The following MGAT4C variants were observed in gnomAD, a reference collection of about 807,000 sequenced individuals.
MGAT4C encodes the protein MGAT4 family member C.
In MGAT4C, 19 loss-of-function variants were observed where a neutral mutation model predicts 40.1. That is an observed-to-expected ratio of 0.47 (90% CI 0.33 to 0.70). MGAT4C has a LOEUF of 0.70. Ranked by LOEUF, MGAT4C falls within the 30% of genes least tolerant of loss-of-function variation. The pLI, the probability that MGAT4C is intolerant of heterozygous loss-of-function variation, is 0.02. For missense variants in MGAT4C, 491 were observed against 563.2 expected, an observed-to-expected ratio of 0.87 and a Z score of 1.30; for synonymous variants, 181 against 187.1, an observed-to-expected ratio of 0.97 and a Z score of 0.27.
At chr12:86,666,739 A>G (rs1186308513) in intron 2 of MGAT4C, among the ~76,000 whole-genome samples, 1 of 152,176 alleles carries the variant, frequency 6.6e-6, no homozygotes, top group Admixed American at 6.5e-5. Context: ...CTGAGGTATT[A>G]TGAGTTTAGC....
At chr12:86,787,965 AG>A (rs917794553) in intron 1 of MGAT4C, among the ~76,000 whole-genome samples, 3 of 152,152 alleles carry the variant, frequency 2.0e-5, no homozygotes, top group Non-Finnish European at 4.4e-5. Context: ...GATTTTAAAA[AG>A]CTTTGAACTT....
intron 1 of MGAT4C, among the ~76,000 whole-genome samples, chr12:86,767,704 G>C (rs1010714715): frequency 6.6e-6 from 1 of 152,258 alleles, no homozygotes; most frequent in African/African-American, 2.4e-5. Flanking sequence ...ATGCAAGGCT[G>C]GTTCAATATA....
intron 2 of MGAT4C, among the ~76,000 whole-genome samples, chr12:86,572,749 C>A (rs868269223): frequency 6.6e-5 from 10 of 152,102 alleles, no homozygotes; most frequent in African/African-American, 1.9e-4. Context: ...TACATCAACA[C>A]TGGCTCTCCC....
At chr12:86,219,016 T>A (rs1950775558) in intron 1 of MGAT4C, among the ~76,000 whole-genome samples, 1 of 151,740 alleles carries the variant, frequency 6.6e-6, no homozygotes, top group Non-Finnish European at 1.5e-5. Context: ...CCGTCTCTAC[T>A]AAAAAATAAA....
chr12:86,416,477 T>G (rs1402818635), intron 3 of MGAT4C, among the ~76,000 whole-genome samples: 1 of 152,090 alleles, frequency 6.6e-6, no homozygotes, highest in Non-Finnish European at 1.5e-5. Context: ...AGGCACTGGT[T>G]ACCCAGTTGA....
intron 2 of MGAT4C, among the ~76,000 whole-genome samples, chr12:86,695,098 CTG>C (rs1416877620): frequency 6.6e-6 from 1 of 152,138 alleles, no homozygotes; most frequent in Non-Finnish European, 1.5e-5. Flanking sequence ...TGATTAAAAA[CTG>C]GGCAGAAGAT....
intron 2 of MGAT4C, among the ~76,000 whole-genome samples, chr12:86,517,850 C>A (rs564222463): frequency 6.6e-6 from 1 of 152,020 alleles, no homozygotes; most frequent in South Asian, 2.1e-4. Flanking sequence ...GGGGTTTCAC[C>A]GTATTAGCCA....
rs531385366 is a variant in MGAT4C at position 86,228,884 on chromosome 12, A to C, written c.-57+27355T>G. On this transcript the variant is annotated intron_variant, in intron 1 of 4. Transcript: ENST00000611864. ...TGTCAACTGACTAACTCTTCAGGGA[A>C]CAAATATCTACTAGCTGGTAAATGT... Among the ~76,000 whole-genome samples, 6 of 152,014 alleles carry C rather than the reference A, an allele frequency of 3.9e-5. No homozygotes were observed. The East Asian group carries it at 1.2e-3, about 29-fold the overall frequency.
chr12:86,689,920 C>T (rs1489728722), intron 2 of MGAT4C, among the ~76,000 whole-genome samples: 1 of 152,176 alleles, frequency 6.6e-6, no homozygotes, highest in Non-Finnish European at 1.5e-5. Flanking sequence ...CCACAACAAC[C>T]CCTCTCCCCA....
chr12:86,212,671 G>A (rs1360242399), intron 1 of MGAT4C, among the ~76,000 whole-genome samples: 1 of 147,884 alleles, frequency 6.8e-6, no homozygotes, highest in African/African-American at 2.5e-5. Flanking sequence ...GGCGGATCAC[G>A]AGGTCAGGAG....
chr12:86,671,956 C>G (rs1049346644), intron 2 of MGAT4C, among the ~76,000 whole-genome samples: 3 of 152,036 alleles, frequency 2.0e-5, no homozygotes, highest in Non-Finnish European at 4.4e-5. Flanking sequence ...ATTTTGAGAA[C>G]ATTTCATCCA....
Position 85,967,191 on chromosome 12 carries a change from C to T in MGAT4C, c.*12098G>A, listed in dbSNP as rs973573585. On this transcript the variant is annotated 3_prime_UTR_variant, in exon 5 of 5. Coordinates refer to ENST00000611864, the MANE Select transcript of MGAT4C (RefSeq NM_001351288.2). Reference sequence around the variant, plus strand: ...GCTAGCAGTAAAATTGTGAACAAATCTGGTAAATCTTTTGGTGTTGCAGGT... The same window carrying T: ...GCTAGCAGTAAAATTGTGAACAAATTTGGTAAATCTTTTGGTGTTGCAGGT... 40 of 152,132 alleles carry T rather than the reference C, an allele frequency of 2.6e-4. No homozygotes were observed. The highest frequency in any genetic ancestry group is 8.0e-4 in the African/African-American group (33 of 41,486). The allele number at this position is 152,132 out of a possible 1,614,324, so 9.4% of individuals were successfully genotyped here.
At chr12:86,784,860 T>C (rs1177624285) in intron 1 of MGAT4C, among the ~76,000 whole-genome samples, 1 of 151,846 alleles carries the variant, frequency 6.6e-6, no homozygotes, top group African/African-American at 2.4e-5. Context: ...TCAAATGCAG[T>C]TCTGAAAAAC....
chr12:86,560,237 G>C (rs1415520129), intron 2 of MGAT4C, among the ~76,000 whole-genome samples: 1 of 151,906 alleles, frequency 6.6e-6, no homozygotes, highest in Non-Finnish European at 1.5e-5. Flanking sequence ...ATTTTTTTCA[G>C]ACTTTGCCAA....
chr12:86,201,485 T>C (rs1950048400), intron 1 of MGAT4C, among the ~76,000 whole-genome samples: 1 of 149,292 alleles, frequency 6.7e-6, no homozygotes, highest in Non-Finnish European at 1.5e-5. Context: ...ATTTACATAA[T>C]ATAAAATATT....
At chr12:86,282,705 T>G (rs1348130012) in intron 4 of MGAT4C, among the ~76,000 whole-genome samples, 2 of 152,110 alleles carry the variant, frequency 1.3e-5, no homozygotes, top group Non-Finnish European at 2.9e-5. Flanking sequence ...CAATACTTAA[T>G]CTACTGATAT....
chr12:86,326,549 G>T (rs946587024), intron 4 of MGAT4C, among the ~76,000 whole-genome samples: 3 of 152,002 alleles, frequency 2.0e-5, no homozygotes, highest in African/African-American at 4.8e-5. Flanking sequence ...TAATAAAATG[G>T]TAATATTTTT....
intron 2 of MGAT4C, among the ~76,000 whole-genome samples, chr12:86,488,296 C>T (rs1422919967): frequency 6.6e-6 from 1 of 150,926 alleles, no homozygotes; most frequent in Non-Finnish European, 1.5e-5. Context: ...CATGGTGGCA[C>T]ATGCCTATAG....
At position 86,533,634 on chromosome 12, in the gene MGAT4C, T is replaced by C. The variant is rs557292849; in HGVS notation, c.-228-98369A>G. 2.0e-5 allele frequency among the ~76,000 whole-genome samples: 3 copies of C among 151,712 alleles called. No individual in the cohort carries two copies. In the South Asian group the frequency reaches 6.2e-4, roughly 31 times the overall value. ...ACACACTATGTACTATATACTACTATATACACACATTATTGTATATACACA... is the reference window on the plus strand; with the variant it reads ...ACACACTATGTACTATATACTACTACATACACACATTATTGTATATACACA... On this transcript the variant is annotated intron_variant, in intron 2 of 7. Transcript: ENST00000548651.
Sources: gnomAD v4.1 joint callset for allele counts (sites outside exome capture counted in the v4.1 genomes callset) on GRCh38, gnomAD v4.1.1 for gene constraint, MANE v1.5 for transcripts, NCBI Gene and HGNC (gene_info 2026-07-23, HGNC 2026-07-21) for gene names.